Variants in TPM4 observed in about 807,000 individuals in gnomAD.
TPM4 encodes tropomyosin alpha-4 chain.
In TPM4, 17 loss-of-function variants were observed where a neutral mutation model predicts 35.8. The ratio of observed to expected loss-of-function variants is 0.47; its 90% CI spans 0.32 to 0.71. The LOEUF is 0.71. Among genes scored for constraint, TPM4 ranks in the 30% least tolerant of loss-of-function variants. The pLI, the probability that TPM4 is intolerant of heterozygous loss-of-function variation, is 0.03. For missense variants in TPM4, 240 were observed against 320.9 expected, an observed-to-expected ratio of 0.75 and a Z score of 1.93; for synonymous variants, 120 against 122.9, an observed-to-expected ratio of 0.98 and a Z score of 0.15.
intron 1 of TPM4, 156 bp from the exon 2 acceptor site, chr19:16,081,757 T>A: frequency 2.0e-6 from 2 of 988,180 alleles, no homozygotes; most frequent in Non-Finnish European, 2.8e-6. Flanking sequence ...AAGATCATAC[T>A]GAAATTTTGG....
chr19:16,072,554 C>T (rs1416959331), upstream of TPM4, among the ~76,000 whole-genome samples: 1 of 146,330 alleles, frequency 6.8e-6, no homozygotes, highest in Non-Finnish European at 1.5e-5. Flanking sequence ...TGGCATCAGG[C>T]AAGTCCCTTC....
chr19:16,091,105 T>C (rs2090621251), intron 5 of TPM4, among the ~76,000 whole-genome samples: 2 of 152,228 alleles, frequency 1.3e-5, no homozygotes, highest in South Asian at 4.1e-4. Context: ...CAGGCTGGAG[T>C]GCAGAGGCAC....
At chr19:16,092,183 A>G (rs1177994430) in intron 5 of TPM4, among the ~76,000 whole-genome samples, 1 of 151,864 alleles carries the variant, frequency 6.6e-6, no homozygotes, top group Non-Finnish European at 1.5e-5. Flanking sequence ...GTCTGAAAAA[A>G]AAAAAAAAGA....
chr19:16,095,518 CCTCATT>C (rs573855799), intron 7 of TPM4: 263 of 1,017,986 alleles, frequency 2.6e-4, no homozygotes, highest in Non-Finnish European at 3.0e-4. Context: ...CTTCATGCCC[CCTCATT>C]CTCATTTTCT....
At chr19:16,079,736 G>C (rs767319786) in intron 1 of TPM4, 13 of 182,030 alleles carry the variant, frequency 7.1e-5, no homozygotes, top group Non-Finnish European at 1.2e-4. Flanking sequence ...ATCTTGCTCT[G>C]TTACCCAGGC....
At chr19:16,095,544 G>A in intron 7 of TPM4, 1 of 1,014,764 alleles carries the variant, frequency 9.9e-7, no homozygotes, top group Non-Finnish European at 1.2e-6. Context: ...TCCACTTGCT[G>A]CCTTTGAGCT....
intron 1 of TPM4, 117 bp from the exon 2 acceptor site, chr19:16,081,796 C>G (rs563984755): frequency 7.4e-7 from 1 of 1,353,778 alleles, no homozygotes. Context: ...ATGGCCTGGA[C>G]TCCTGGGTGG....
intron 2 of TPM4, among the ~76,000 whole-genome samples, chr19:16,083,949 C>A (rs1281524427): frequency 1.3e-5 from 2 of 151,730 alleles, no homozygotes; most frequent in African/African-American, 4.8e-5. Flanking sequence ...TTTTTTGAGA[C>A]AGAGTCTCGC....
In TPM4 at chr19:16,076,694, G is replaced by A; in HGVS notation, c.129G>A (p.Glu43=). Residue 43 remains glutamate (E), a synonymous_variant, in exon 1 of 8, where the codon GAG becomes GAA. Coordinates refer to ENST00000643579, the MANE Select transcript of TPM4 (RefSeq NM_003290.3). ...TGGACGGCGAGCGCGAGCGGCGCGA[G>A]AAAGTGAGCGCCCCGGCCTCGGGCC... is the stretch of plus-strand genomic sequence containing the variant. ...RELDGERERR[E]KAEGDVAALN... 7.4e-7 allele frequency: 1 copy of A among 1,351,274 alleles called. No individual in the cohort carries two copies. The highest frequency in any genetic ancestry group is 9.5e-7 in the Non-Finnish European group (1 of 1,052,656). The allele number at this position is 1,351,274 out of a possible 1,614,324, so 83.7% of individuals were successfully genotyped here.
intron 7 of TPM4, among the ~76,000 whole-genome samples, chr19:16,096,936 CTTTTTTTTTTTTTTTTTTTTTTTT>C (rs71178641): frequency 1.4e-5 from 1 of 69,050 alleles, no homozygotes; most frequent in African/African-American, 5.6e-5. Flanking sequence ...CAAGGTCACT[CTTTTTTTTTTTTTTTTTTTTTTTT>C]TTTTTTTTTT....
chr19:16,097,908 C>T (rs904140493), intron 7 of TPM4, among the ~76,000 whole-genome samples: 1 of 152,146 alleles, frequency 6.6e-6, no homozygotes, highest in Non-Finnish European at 1.5e-5. Flanking sequence ...CACCCTCAGC[C>T]TCTCCCTGCT....
At chr19:16,086,675 T>C (rs1447921715) in intron 3 of TPM4, 135 bp downstream of exon 3, 2 of 688,430 alleles carry the variant, frequency 2.9e-6, no homozygotes. Flanking sequence ...CATATGTTTG[T>C]CCAGAGACAA....
chr19:16,094,565 T>C (rs1165601970), intron 7 of TPM4, among the ~76,000 whole-genome samples: 2 of 151,638 alleles, frequency 1.3e-5, no homozygotes, highest in Non-Finnish European at 1.5e-5. Context: ...AATTTCCTTC[T>C]GTTTGCTCAT....
intron 7 of TPM4, among the ~76,000 whole-genome samples, chr19:16,099,205 G>A (rs530570457): frequency 1.3e-5 from 2 of 151,924 alleles, no homozygotes; most frequent in African/African-American, 4.8e-5. Flanking sequence ...TCAGCCTCCT[G>A]TGTAGCTGGG....
At chr19:16,087,695 C>A (rs112405590) in intron 3 of TPM4, among the ~76,000 whole-genome samples, 7,083 of 152,002 alleles carry the variant, frequency 0.047, 589 homozygotes, top group African/African-American at 0.16. Context: ...AGCCTGGCCA[C>A]TACGGTGAAA....
chr19:16,069,933 C>G (rs1470975817), intron 2 of TPM4, among the ~76,000 whole-genome samples: 1 of 151,662 alleles, frequency 6.6e-6, no homozygotes, highest in Non-Finnish European at 1.5e-5. Flanking sequence ...AGGAAGCCTC[C>G]ACTGTGACAG....
At position 16,070,796 on chromosome 19, in the gene TPM4, G is replaced by C. The variant is rs183986431; in HGVS notation, c.114+3058G>C. On this transcript the variant is annotated intron_variant, in intron 2 of 2. Coordinates refer to the TPM4 transcript ENST00000589897. The surrounding 1 kb of genome is among the most constrained non-coding windows in gnomAD (Gnocchi z 7.4). ...TGCCCTAAGAGTATGTGGCACATTC[G>C]TGCAGGCCAAGCCCCACCCCAGTGT... Among the ~76,000 whole-genome samples, 8 of 150,602 alleles carry C rather than the reference G, an allele frequency of 5.3e-5. No individual in the cohort carries two copies. Among genetic ancestry groups the C allele is most frequent in the Non-Finnish European group, 8.8e-5 (6 of 67,824 alleles).
chr19:16,078,000 C>T (rs147190283), intron 1 of TPM4: 15 of 391,470 alleles, frequency 3.8e-5, no homozygotes, highest in African/African-American at 3.1e-4. Context: ...GTCTCGAACT[C>T]CTGACCTCGT....
At chr19:16,083,512 G>T (rs367765877) in intron 2 of TPM4, among the ~76,000 whole-genome samples, 2 of 152,206 alleles carry the variant, frequency 1.3e-5, no homozygotes, top group East Asian at 3.9e-4. Flanking sequence ...CACCAGTAGG[G>T]TGCCTTCTCC....
Sources: gnomAD v4.1 joint callset for allele counts (sites outside exome capture counted in the v4.1 genomes callset) on GRCh38, gnomAD v4.1.1 for gene constraint, Gnocchi (gnomAD v3.1) non-coding constraint, MANE v1.5 for transcripts, NCBI Gene and HGNC (gene_info 2026-07-23, HGNC 2026-07-21) for gene names.